MEPE: variants seen among roughly 807,000 people sequenced by gnomAD.
MEPE encodes matrix extracellular phosphoglycoprotein.
MEPE carries 7 observed loss-of-function variants against 7.3 expected under a neutral mutation model. The ratio of observed to expected loss-of-function variants is 0.95; its 90% CI spans 0.54 to 1.79. The LOEUF is 1.79. Among genes scored for constraint, MEPE ranks in the 40% most tolerant of loss-of-function variants. The probability of loss-of-function intolerance (pLI) is 0.00; values close to 1 mark genes in which losing one functional copy is unlikely to be tolerated. For synonymous variants in MEPE, 214 were observed against 213.1 expected (o/e 1.00, Z -0.04); for missense variants, 623 against 628.2 (o/e 0.99, Z 0.09).
chr4:87,822,441 G>C (rs1008803552), intron 1 of MEPE, among the ~76,000 whole-genome samples: 38 of 152,140 alleles, frequency 2.5e-4, no homozygotes, highest in Admixed American at 2.5e-3. Context: ...ACTGGGTTAC[G>C]AAGCTCCTGA....
chr4:87,831,726 T>C (rs11097172), upstream of MEPE, among the ~76,000 whole-genome samples: 53,367 of 151,948 alleles, frequency 0.35, 9,699 homozygotes, highest in African/African-American at 0.39. Context: ...TGCCATCTAA[T>C]ACCCTTCTGA....
At chr4:87,836,808 C>A (rs1560538097) in intron 2 of MEPE, among the ~76,000 whole-genome samples, 1 of 152,276 alleles carries the variant, frequency 6.6e-6, no homozygotes, top group Admixed American at 6.5e-5. Context: ...ACTGCAACTA[C>A]CAACTATGAG....
At chr4:87,833,730 C>T (rs1722670886) in intron 1 of MEPE, among the ~76,000 whole-genome samples, 1 of 152,128 alleles carries the variant, frequency 6.6e-6, no homozygotes, top group Admixed American at 6.5e-5. Flanking sequence ...AGTGAGCTCA[C>T]TAGTTCCTGT....
intron 3 of MEPE, chr4:87,839,838 G>T: frequency 6.5e-7 from 1 of 1,543,136 alleles, no homozygotes; most frequent in Non-Finnish European, 8.8e-7. Flanking sequence ...AGCCCTAGAG[G>T]AAAATGTAGG....
At chr4:87,821,416 GTGCTCCCCTGGCCTGC>G (rs1722335812) in exon 1 of MEPE, 2 of 152,066 alleles carry the variant, frequency 1.3e-5, no homozygotes, top group African/African-American at 4.8e-5. Context: ...AACAAATGCA[GTGCTCCCCTGGCCTGC>G]CGGCAGCTAT....
chr4:87,838,588 A>G, intron 2 of MEPE, 44 bp from the exon 3 acceptor site: 1 of 1,552,770 alleles, frequency 6.4e-7, no homozygotes, highest in Non-Finnish European at 8.9e-7. Flanking sequence ...TTAATGAAAT[A>G]GAATGTTCTA....
At chr4:87,822,669 T>C (rs1229410784) in intron 1 of MEPE, among the ~76,000 whole-genome samples, 3 of 151,886 alleles carry the variant, frequency 2.0e-5, no homozygotes, top group African/African-American at 7.3e-5. Flanking sequence ...TACTGAGGAG[T>C]CAGCTCTACC....
At chr4:87,831,650 A>C (rs970328225), upstream of MEPE, among the ~76,000 whole-genome samples, 27 of 152,094 alleles carry the variant, frequency 1.8e-4, no homozygotes, top group African/African-American at 5.8e-4. Flanking sequence ...AAAACCTCCA[A>C]GGACTTTTCT....
chr4:87,821,616 G>A (rs1482348071), intron 1 of MEPE: 2 of 152,186 alleles, frequency 1.3e-5, no homozygotes, highest in Non-Finnish European at 2.9e-5. Context: ...ACATGTATGT[G>A]TGCTGTTTTT....
In MEPE at chr4:87,846,167, T is replaced by G; in HGVS notation, c.1299T>G (p.Ser433Arg). ...AAAGGTTTCCTAGTAAGGGCAAAAG[T>G]CAGGGCCTGCCCATTCCTTCTCGTG... ...EKQRFPSKGKSQGLPIPSRGL... is the reference protein window; with the variant it reads ...EKQRFPSKGKRQGLPIPSRGL... Residue 433 changes from serine (S) to arginine (R), a missense_variant, in exon 4 of 4, where the codon AGT (serine) becomes AGG (arginine). Transcript: ENST00000361056. The G allele has an allele frequency of 6.2e-7, 1 of 1,613,846 alleles. No homozygotes were observed.
rs538082239 is a variant in MEPE, at chr4:87,844,095, T to G, written c.109-882T>G. On this transcript the variant is annotated intron_variant, in intron 3 of 3. Transcript: ENST00000361056. ...GTATGACTCACATTTGTCCCTAGTA[T>G]GTACTCCATCTACACTGCTCCTTTT... Among the ~76,000 whole-genome samples the G allele has an allele frequency of 3.3e-5, 5 of 151,528 alleles. No homozygotes were observed. The South Asian group carries it at 8.4e-4, about 25-fold the overall frequency.
chr4:87,834,688 G>T lies in MEPE; in HGVS notation c.-12-15G>T, dbSNP rs1471335692. The T allele has an allele frequency of 1.2e-6, 2 of 1,607,630 alleles. No homozygotes were observed. Among genetic ancestry groups the T allele is most frequent in the African/African-American group, 2.7e-5 (2 of 74,672 alleles). On this transcript the variant is annotated splice_polypyrimidine_tract_variant and intron_variant, in intron 1 of 3. Transcript: ENST00000361056. ...TGGCAATGCTTTGTGGTAAGATATT[G>T]TTGTCTTTTTACAGAGATTCTCAAA... is the stretch of plus-strand genomic sequence containing the variant.
chr4:87,824,637 TA>T (rs1370886917), intron 1 of MEPE, among the ~76,000 whole-genome samples: 1 of 152,214 alleles, frequency 6.6e-6, no homozygotes, highest in Non-Finnish European at 1.5e-5. Context: ...GATGATTGTA[TA>T]AACTATGATC....
At position 87,846,700 on chromosome 4, in the gene MEPE, G is replaced by A. The variant is rs1205777630; in HGVS notation, c.*254G>A. 5.0e-6 allele frequency: 2 copies of A among 396,884 alleles called. No homozygotes were observed. Among genetic ancestry groups the A allele is most frequent in the East Asian group, 8.0e-5 (2 of 24,974 alleles). The allele number at this position is 396,884 out of a possible 1,614,324, so 24.6% of individuals were successfully genotyped here. A position where few individuals can be genotyped will look rare whatever the true frequency, so the allele number is the denominator to read the frequency against. On this transcript the variant is annotated 3_prime_UTR_variant, in exon 4 of 4. Transcript: ENST00000361056. ...CTATGAAATAGGTAACATTTGAGTAGGTGTCATTTAAAAATAGTTGGTGAA... is the reference window on the plus strand; with the variant it reads ...CTATGAAATAGGTAACATTTGAGTAAGTGTCATTTAAAAATAGTTGGTGAA...
At position 87,844,971 on chromosome 4, in the gene MEPE, T is replaced by C; in HGVS notation, c.109-6T>C. The C allele has an allele frequency of 6.5e-7, 1 of 1,529,850 alleles. No homozygotes were observed. Among genetic ancestry groups the C allele is most frequent in the Non-Finnish European group, 8.7e-7 (1 of 1,143,078 alleles). The allele number at this position is 1,529,850 out of a possible 1,614,324, so 94.8% of individuals were successfully genotyped here. ...TAATCACTTCATATTGAAAATTGTA[T>C]TTTAGCAGGAAGAAAAAAACAAAGA... On this transcript the variant is annotated splice_polypyrimidine_tract_variant and splice_region_variant and intron_variant, in intron 3 of 3. Coordinates refer to ENST00000361056, the MANE Select transcript of MEPE (RefSeq NM_020203.6).
intron 2 of MEPE, among the ~76,000 whole-genome samples, chr4:87,837,342 C>G (rs1416141080): frequency 6.6e-6 from 1 of 151,476 alleles, no homozygotes; most frequent in African/African-American, 2.5e-5. Flanking sequence ...CCTGGCTTCT[C>G]TCTCCTTCCC....
chr4:87,824,705 T>C lies in MEPE; in HGVS notation c.-13+3234T>C, dbSNP rs532653979. 4.9e-4 allele frequency among the ~76,000 whole-genome samples: 74 copies of C among 152,346 alleles called. No individual in the cohort carries two copies. The South Asian group carries it at 0.015, about 31-fold the overall frequency. ...AAGAGATAAATTGTATCTTTTTCTC[T>C]TTTCTTTGTGTTTTTTTTGTTTGTT... On this transcript the variant is annotated intron_variant, in intron 1 of 3. Transcript: ENST00000424957.
intron 2 of MEPE, among the ~76,000 whole-genome samples, chr4:87,835,667 C>A (rs1384074942): frequency 3.3e-5 from 5 of 152,084 alleles, no homozygotes; most frequent in African/African-American, 4.8e-5. Context: ...ACACTCTGTG[C>A]AACAAGGGTG....
intron 2 of MEPE, 77 bp downstream of exon 2, chr4:87,834,845 A>G: frequency 1.6e-6 from 2 of 1,275,978 alleles, no homozygotes; most frequent in Admixed American, 2.0e-5. Flanking sequence ...AGCAACGTCT[A>G]TTTAAATTAG....
Sources: allele counts gnomAD v4.1 joint callset (sites outside exome capture counted in the v4.1 genomes callset), GRCh38; gene constraint gnomAD v4.1.1; transcripts MANE v1.5; gene names NCBI Gene and HGNC (gene_info 2026-07-23, HGNC 2026-07-21).